Variants in TARBP1 observed in about 807,000 individuals in gnomAD.
TARBP1 encodes the protein tRNA guanosine 2 -O-methyltransferase TARBP1, also known as tRNA (guanosine(18)-2'-O)-methyltransferase TARBP1.
TARBP1 carries 144 observed loss-of-function variants against 178.6 expected under a neutral mutation model. That is an observed-to-expected ratio of 0.81 (90% confidence interval 0.70 to 0.93). The LOEUF (loss-of-function observed/expected upper bound fraction) is 0.93. Among genes scored for constraint, TARBP1 ranks in the 40% least tolerant of loss-of-function variants. The pLI is 0.00. For missense variants in TARBP1, 2,067 were observed against 2,011.7 expected (o/e 1.03, Z -0.53); for synonymous variants, 787 against 781.0 (o/e 1.01, Z -0.13).
chr1:234,478,823 C>G lies in TARBP1; in HGVS notation c.281G>C (p.Arg94Pro). 2.5e-6 allele frequency: 3 copies of G among 1,180,842 alleles called. No individual in the cohort carries two copies. Among genetic ancestry groups the G allele is most frequent in the Non-Finnish European group, 2.1e-6 (2 of 957,616 alleles). The allele number at this position is 1,180,842 out of a possible 1,614,324, so 73.1% of individuals were successfully genotyped here. A position where few individuals can be genotyped will look rare whatever the true frequency, so the allele number is the denominator to read the frequency against. Residue 94 changes from arginine to proline, a missense_variant, in exon 1 of 30, where the codon CGG becomes CCG. Arg to Pro is a moderately radical substitution (Grantham distance 103). Transcript: ENST00000040877. ...PDPSLQPRHRRRVLRAAGAAL... is the reference protein window; with the variant it reads ...PDPSLQPRHRPRVLRAAGAAL... ...CGCGCCCGCCGCCCTCAGCACGCGC[C>G]GGCGGTGGCGAGGCTGCAGACTGGG... is the stretch of plus-strand genomic sequence containing the variant.
intron 26 of TARBP1, among the ~76,000 whole-genome samples, chr1:234,397,236 A>G (rs1051524383): frequency 0.059 from 4 of 68 alleles, no homozygotes; most frequent in Non-Finnish European, 0.11. Context: ...GGAGGGGGGA[A>G]GGGGGAGGGG....
chr1:234,398,291 T>C (rs563203906), intron 26 of TARBP1, 91 bp downstream of exon 26: 9 of 1,078,896 alleles, frequency 8.3e-6, no homozygotes, highest in Middle Eastern at 2.5e-4. Flanking sequence ...GAAAGTGATA[T>C]TATTATTAAC....
At position 234,478,233 on chromosome 1, in the gene TARBP1, C is replaced by T. The variant is rs1669754925; in HGVS notation, c.871G>A (p.Ala291Thr). ...RKRARYLLQR[A>T]VEVSAELGAD... ...CCCAGCTCCGCCGACACCTCCACCGCCCTCTGCAGCAGGTAGCGCGCTCGC... is the reference window on the plus strand; with the variant it reads ...CCCAGCTCCGCCGACACCTCCACCGTCCTCTGCAGCAGGTAGCGCGCTCGC... The change falls in exon 1 of 30, where the codon GCG (alanine) becomes ACG (threonine). Residue 291 changes from alanine (A) to threonine (T), a missense_variant. Physicochemically the swap from Ala to Thr is moderately conservative, Grantham distance 58. Coordinates refer to ENST00000040877, the MANE Select transcript of TARBP1 (RefSeq NM_005646.4). The T allele has an allele frequency of 1.2e-6, 2 of 1,611,462 alleles. No individual in the cohort carries two copies. Among genetic ancestry groups the T allele is most frequent in the African/African-American group, 2.7e-5 (2 of 74,906 alleles).
At chr1:234,432,229 G>T (rs1664513195) in intron 14 of TARBP1, among the ~76,000 whole-genome samples, 1 of 150,998 alleles carries the variant, frequency 6.6e-6, no homozygotes, top group Non-Finnish European at 1.5e-5. Flanking sequence ...ATTGCTTGAA[G>T]TCAAGAGTTC....
rs1668170584 is a variant in TARBP1, at chr1:234,463,942, CAG to C, written c.1302-10_1302-9del. ...ATTGGCTGGCCTGGGGACCTACAAA[CAG>C]AGAGTGGGGAAAACAAATATTTAAC... On this transcript the variant is annotated splice_polypyrimidine_tract_variant and intron_variant, in intron 5 of 29. Coordinates refer to ENST00000040877, the MANE Select transcript of TARBP1 (RefSeq NM_005646.4). 3.9e-6 allele frequency: 6 copies of C among 1,543,548 alleles called. No homozygotes were observed. Among genetic ancestry groups the C allele is most frequent in the Middle Eastern group, 1.7e-4 (1 of 5,850 alleles).
chr1:234,410,703 G>A (rs1661720106), intron 22 of TARBP1, among the ~76,000 whole-genome samples, 172 bp from the exon 23 acceptor site: 1 of 152,230 alleles, frequency 6.6e-6, no homozygotes, highest in Non-Finnish European at 1.5e-5. Flanking sequence ...AGGACTGAAA[G>A]CAAAGGAAAT....
intron 11 of TARBP1, among the ~76,000 whole-genome samples, chr1:234,447,670 CTG>C (rs1230582977): frequency 6.6e-6 from 1 of 152,182 alleles, no homozygotes; most frequent in Non-Finnish European, 1.5e-5. Context: ...ATCAAATTAA[CTG>C]TATGTCACGC....
rs1487461696 is a variant in TARBP1, at chr1:234,463,267, G to T, written c.1399+570C>A. Among the ~76,000 whole-genome samples the T allele has an allele frequency of 3.3e-5, 5 of 152,222 alleles. No individual in the cohort carries two copies. In the East Asian group the frequency reaches 9.6e-4, roughly 29 times the overall value. On this transcript the variant is annotated intron_variant, in intron 6 of 29. Coordinates refer to ENST00000040877, the MANE Select transcript of TARBP1 (RefSeq NM_005646.4). ...GCCTCCCAAGTAGCTGGGACTACAG[G>T]TACACACCATCATGCCCGGATAATT...
chr1:234,471,469 C>T (rs939552042), intron 2 of TARBP1, among the ~76,000 whole-genome samples: 1 of 152,196 alleles, frequency 6.6e-6, no homozygotes, highest in South Asian at 2.1e-4. Context: ...ATTACAGCTA[C>T]ATTAAAGTCT....
intron 29 of TARBP1, among the ~76,000 whole-genome samples, chr1:234,392,190 C>A (rs1659441648): frequency 6.6e-6 from 1 of 152,116 alleles, no homozygotes; most frequent in African/African-American, 2.4e-5. Context: ...ATGGTGAAAC[C>A]CTGGGTCTCG....
chr1:234,434,073 T>G (rs988556001), intron 13 of TARBP1, among the ~76,000 whole-genome samples: 1 of 152,208 alleles, frequency 6.6e-6, no homozygotes, highest in African/African-American at 2.4e-5. Context: ...AGCTCTACCA[T>G]GCACCAGCCC....
chr1:234,408,559 A>G (rs79518581), intron 23 of TARBP1, among the ~76,000 whole-genome samples: 2,852 of 152,112 alleles, frequency 0.019, 84 homozygotes, highest in African/African-American at 0.063. Flanking sequence ...AACTGCTCCT[A>G]TGTCGGTGCT....
Position 234,418,110 on chromosome 1 carries a change from G to T in TARBP1, c.3679C>A (p.Pro1227Thr). The T allele has an allele frequency of 7.0e-7, 1 of 1,430,484 alleles. No individual in the cohort carries two copies. Among genetic ancestry groups the T allele is most frequent in the Non-Finnish European group, 9.3e-7 (1 of 1,072,990 alleles). 88.6% of individuals were successfully genotyped at this position (1,430,484 alleles called of 1,614,324 possible). ...TAAGAAAAACAATCCCAGAACTTTG[G>T]AAGAAATTGAGGGAATTTATGAAGA... Reference protein sequence around the residue: ...LILHKFPQFLPKFWDCFSYGE... With the variant: ...LILHKFPQFLTKFWDCFSYGE... The change falls in exon 22 of 30, where the codon CCA becomes ACA. Residue 1227 changes from proline to threonine, a missense_variant. By Grantham distance (38) the Pro-to-Thr change is conservative. Transcript: ENST00000040877.
At chr1:234,454,191 A>G (rs992115863) in intron 9 of TARBP1, among the ~76,000 whole-genome samples, 2 of 152,204 alleles carry the variant, frequency 1.3e-5, no homozygotes, top group African/African-American at 4.8e-5. Context: ...TCATACAACA[A>G]AATAAATTCC....
intron 29 of TARBP1, 114 bp downstream of exon 29, chr1:234,392,302 C>T: frequency 7.3e-7 from 1 of 1,372,846 alleles, no homozygotes; most frequent in Non-Finnish European, 9.9e-7. Context: ...TGCCACTACA[C>T]TCCAGCCTGG....
intron 23 of TARBP1, among the ~76,000 whole-genome samples, chr1:234,408,508 G>T (rs1661490609): frequency 6.6e-6 from 1 of 152,136 alleles, no homozygotes; most frequent in Non-Finnish European, 1.5e-5. Flanking sequence ...TATGGTTCAG[G>T]AGTCATGTAG....
intron 1 of TARBP1, among the ~76,000 whole-genome samples, 161 bp downstream of exon 1, chr1:234,478,012 G>A (rs1669727539): frequency 6.6e-6 from 1 of 152,176 alleles, no homozygotes; most frequent in Admixed American, 6.5e-5. Context: ...CTCGAGAAGG[G>A]GTTCCAAAGG....
At chr1:234,426,503 T>C (rs1663791252) in intron 19 of TARBP1, among the ~76,000 whole-genome samples, 1 of 152,182 alleles carries the variant, frequency 6.6e-6, no homozygotes, top group Non-Finnish European at 1.5e-5. Context: ...GAAAAAAATG[T>C]ATATCTTTCA....
At chr1:234,453,553 A>G (rs939192465) in intron 9 of TARBP1, among the ~76,000 whole-genome samples, 1 of 152,066 alleles carries the variant, frequency 6.6e-6, no homozygotes, top group Non-Finnish European at 1.5e-5. Context: ...AATAAAATCT[A>G]TTAATTAAAA....
Sources: gnomAD v4.1 joint callset for allele counts (sites outside exome capture counted in the v4.1 genomes callset) on GRCh38, gnomAD v4.1.1 for gene constraint, MANE v1.5 for transcripts, NCBI Gene and HGNC (gene_info 2026-07-23, HGNC 2026-07-21) for gene names.